DIAPH2: variants seen among roughly 807,000 people sequenced by gnomAD.
The protein encoded by DIAPH2 is protein diaphanous homolog 2.
A neutral mutation model predicts 92.7 loss-of-function variants in DIAPH2; 35 were observed. The ratio of observed to expected loss-of-function variants is 0.38; its 90% CI spans 0.29 to 0.50. DIAPH2 has a LOEUF of 0.50. DIAPH2 is among the 20% of genes least tolerant of loss of function. The pLI, the probability that DIAPH2 is intolerant of heterozygous loss-of-function variation, is 0.94. For synonymous variants in DIAPH2, 301 were observed against 280.4 expected, an observed-to-expected ratio of 1.07 and a Z score of -0.73; for missense variants, 701 against 819.5, an observed-to-expected ratio of 0.86 and a Z score of 1.77.
At chrX:96,980,759 C>G (rs905915547) in intron 17 of DIAPH2, among the ~76,000 whole-genome samples, 1 of 110,026 alleles carries the variant, frequency 9.1e-6, no homozygotes, top group African/African-American at 3.3e-5. Flanking sequence ...TCATTAAATA[C>G]CAGAGATCTA....
intron 4 of DIAPH2, among the ~76,000 whole-genome samples, chrX:96,878,733 G>A (rs1454581275): frequency 9.0e-6 from 1 of 111,041 alleles, no homozygotes; most frequent in African/African-American, 3.3e-5. Context: ...AATCCTGTAG[G>A]GAATCAATTA....
intron 5 of DIAPH2, among the ~76,000 whole-genome samples, chrX:96,882,976 A>AAC (rs1556277530): frequency 1.1e-3 from 58 of 52,022 alleles, no homozygotes; most frequent in African/African-American, 2.4e-3. Flanking sequence ...AAAAAAAAAA[A>AAC]AAAAAAACAA....
intron 4 of DIAPH2, among the ~76,000 whole-genome samples, chrX:96,839,288 C>T (rs1395846978): frequency 9.0e-6 from 1 of 110,861 alleles, no homozygotes; most frequent in Non-Finnish European, 1.9e-5. Context: ...AATGCCTATA[C>T]CATTCCCCCC....
intron 17 of DIAPH2, among the ~76,000 whole-genome samples, chrX:97,002,200 A>G (rs1212959555): frequency 9.0e-6 from 1 of 110,912 alleles, no homozygotes; most frequent in Non-Finnish European, 1.9e-5. Flanking sequence ...TTTAAGCATT[A>G]CATGTTTTTA....
At chrX:97,093,967 T>G (rs932918387) in intron 19 of DIAPH2, among the ~76,000 whole-genome samples, 3 of 112,252 alleles carry the variant, frequency 2.7e-5, no homozygotes, top group Non-Finnish European at 5.6e-5. Flanking sequence ...GAAAGAGATT[T>G]TTTTTAGGAA....
At chrX:96,743,978 A>T (rs1171880325) in intron 3 of DIAPH2, among the ~76,000 whole-genome samples, 4 of 110,690 alleles carry the variant, frequency 3.6e-5, no homozygotes, top group Non-Finnish European at 7.6e-5. Context: ...AATTAAAAAA[A>T]CTTATTTATA....
At chrX:96,882,605 A>G (rs962367801) in intron 5 of DIAPH2, among the ~76,000 whole-genome samples, 1 of 110,881 alleles carries the variant, frequency 9.0e-6, no homozygotes, top group Non-Finnish European at 1.9e-5. Context: ...AAGCCTTTAA[A>G]TCAATAACAC....
intron 4 of DIAPH2, among the ~76,000 whole-genome samples, chrX:96,844,434 T>A (rs1357142165): frequency 8.9e-6 from 1 of 112,809 alleles, no homozygotes; most frequent in Non-Finnish European, 1.9e-5. Flanking sequence ...TTAAAGGTAA[T>A]ATTCACTGTT....
At chrX:96,847,412 A>G (rs1355026610) in intron 4 of DIAPH2, among the ~76,000 whole-genome samples, 1 of 111,838 alleles carries the variant, frequency 8.9e-6, no homozygotes, top group East Asian at 2.8e-4. Context: ...TTTTGGGTCT[A>G]CTTCTTAAAT....
At chrX:97,197,473 CACT>C (rs1253442726) in intron 22 of DIAPH2, among the ~76,000 whole-genome samples, 1 of 112,062 alleles carries the variant, frequency 8.9e-6, no homozygotes, top group African/African-American at 3.2e-5. Context: ...GAAGGAGAAA[CACT>C]GTGTGATTCT....
chrX:97,075,054 T>A, intron 18 of DIAPH2, 113 bp from the exon 19 acceptor site: 1 of 446,382 alleles, frequency 2.2e-6, no homozygotes, highest in Non-Finnish European at 3.8e-6. Flanking sequence ...CATAATTCTG[T>A]ATATTAGTGA....
intron 24 of DIAPH2, among the ~76,000 whole-genome samples, chrX:97,382,880 C>T (rs1349633171): frequency 2.7e-5 from 3 of 112,093 alleles, no homozygotes; most frequent in Non-Finnish European, 5.6e-5. Context: ...GACGTATTCT[C>T]GTTATTGAGT....
chrX:97,410,918 T>G (rs1020282020), intron 25 of DIAPH2, among the ~76,000 whole-genome samples: 3 of 111,552 alleles, frequency 2.7e-5, no homozygotes, highest in Non-Finnish European at 5.6e-5. Context: ...AAAGGCGAAA[T>G]CTACATTTGA....
Position 97,348,472 on chromosome X carries a change from T to C in DIAPH2, c.3009+192T>C, listed in dbSNP as rs943127376. On this transcript the variant is annotated intron_variant, in intron 24 of 26. Coordinates refer to ENST00000324765, the MANE Select transcript of DIAPH2 (RefSeq NM_006729.5). ...ATAAGTCATGGCTGGCTTAACATAA[T>C]GTGGACCTAAATGAATCATCTTCAA... is the stretch of plus-strand genomic sequence containing the variant. 9.8e-5 allele frequency among the ~76,000 whole-genome samples: 11 copies of C among 112,006 alleles called. No individual in the cohort carries two copies. In the Admixed American group the frequency reaches 1.0e-3, roughly 11 times the overall value.
chrX:97,504,154 T>C (rs999092110), intron 26 of DIAPH2, among the ~76,000 whole-genome samples: 1 of 112,257 alleles, frequency 8.9e-6, no homozygotes, highest in African/African-American at 3.2e-5. Context: ...ATGGGAGCTA[T>C]GTTTATAATA....
intron 24 of DIAPH2, among the ~76,000 whole-genome samples, chrX:97,349,045 T>C (rs1459182209): frequency 1.9e-5 from 2 of 106,116 alleles, no homozygotes; most frequent in African/African-American, 6.9e-5. Context: ...TGTATATATA[T>C]GTGTATTTAT....
At position 96,741,575 on chromosome X, in the gene DIAPH2, A is replaced by G. The variant is rs2064120095; in HGVS notation, c.342+2813A>G. Among the ~76,000 whole-genome samples, 3 of 107,372 alleles carry G rather than the reference A, an allele frequency of 2.8e-5. No homozygotes were observed. The Admixed American group carries it at 3.0e-4, about 11-fold the overall frequency. The allele number at this position is 107,372 out of a possible 115,157, so 93.2% of individuals were successfully genotyped here. A position where few individuals can be genotyped will look rare whatever the true frequency, so the allele number is the denominator to read the frequency against. ...ACTGCAGCCTCAATCTCCTGGGCTC[A>G]GGTGATCCTCCCACCTTAACCTCCC... is the stretch of plus-strand genomic sequence containing the variant. On this transcript the variant is annotated intron_variant, in intron 3 of 26. Transcript: ENST00000324765.
At chrX:97,469,966 G>A (rs1201990496) in intron 26 of DIAPH2, 1 of 471,212 alleles carries the variant, frequency 2.1e-6, no homozygotes, top group East Asian at 4.4e-5. Flanking sequence ...ATAGACTTGG[G>A]AAGAAAACAG....
At chrX:97,592,578 C>T (rs2071524980) in intron 26 of DIAPH2, among the ~76,000 whole-genome samples, 1 of 111,826 alleles carries the variant, frequency 8.9e-6, no homozygotes, top group Non-Finnish European at 1.9e-5. Flanking sequence ...GATCTACATC[C>T]CTATGCATAG....
Sources: gnomAD v4.1 joint callset for allele counts (sites outside exome capture counted in the v4.1 genomes callset) on GRCh38, gnomAD v4.1.1 for gene constraint, MANE v1.5 for transcripts, NCBI Gene and HGNC (gene_info 2026-07-23, HGNC 2026-07-21) for gene names.